Variants in PDLIM5 observed in about 807,000 individuals in gnomAD.
PDLIM5 encodes PDZ and LIM domain protein 5.
PDLIM5 carries 34 observed loss-of-function variants against 64.2 expected under a neutral mutation model. The ratio of observed to expected loss-of-function variants is 0.53; its 90% confidence interval spans 0.40 to 0.71. The LOEUF (loss-of-function observed/expected upper bound fraction) is 0.71, where lower values mean the gene tolerates loss of function less well. PDLIM5 is among the 30% of genes least tolerant of loss of function. The pLI is 0.00. For synonymous variants in PDLIM5, 253 were observed against 269.1 expected (o/e 0.94, Z 0.59); for missense variants, 683 against 733.6 (o/e 0.93, Z 0.80).
intron 8 of PDLIM5, among the ~76,000 whole-genome samples, chr4:94,629,321 G>A (rs140118034): frequency 2.2e-3 from 327 of 151,434 alleles, no homozygotes; most frequent in African/African-American, 6.9e-3. Context: ...TGCACTGTGC[G>A]AGACTCAGTT....
intron 7 of PDLIM5, among the ~76,000 whole-genome samples, chr4:94,613,429 A>G (rs1738527810): frequency 6.6e-6 from 1 of 152,226 alleles, no homozygotes; most frequent in Non-Finnish European, 1.5e-5. Context: ...AATGTGGGAA[A>G]GGAATGTAAA....
At chr4:94,518,845 T>TC (rs1012768017) in intron 2 of PDLIM5, among the ~76,000 whole-genome samples, 1 of 152,188 alleles carries the variant, frequency 6.6e-6, no homozygotes, top group African/African-American at 2.4e-5. Context: ...CTTGGTTCCC[T>TC]CCTCTGCCTT....
At chr4:94,512,396 G>C (rs1412736209) in intron 2 of PDLIM5, among the ~76,000 whole-genome samples, 2 of 152,166 alleles carry the variant, frequency 1.3e-5, no homozygotes, top group African/African-American at 4.8e-5. Context: ...CCCACCAACA[G>C]TGTACAAGGG....
intron 7 of PDLIM5, chr4:94,587,719 T>C (rs1239929848): frequency 1.0e-6 from 1 of 984,684 alleles, no homozygotes; most frequent in African/African-American, 1.7e-5. Flanking sequence ...TTTACCCCTA[T>C]TTGCAATGGA....
At chr4:94,510,437 A>G (rs538510987) in intron 2 of PDLIM5, among the ~76,000 whole-genome samples, 11 of 152,274 alleles carry the variant, frequency 7.2e-5, no homozygotes, top group African/African-American at 2.4e-4. Flanking sequence ...TGGTTCCCCA[A>G]TCTGCATTCT....
At chr4:94,653,628 A>G (rs1366118866) in intron 9 of PDLIM5, among the ~76,000 whole-genome samples, 1 of 152,116 alleles carries the variant, frequency 6.6e-6, no homozygotes, top group Admixed American at 6.5e-5. Flanking sequence ...GGGAGAGGGA[A>G]GTTGGTGCAC....
At chr4:94,562,521 G>A (rs1578380877) in intron 3 of PDLIM5, among the ~76,000 whole-genome samples, 1 of 152,316 alleles carries the variant, frequency 6.6e-6, no homozygotes, top group East Asian at 1.9e-4. Context: ...TCTGTAGGGA[G>A]ATAAGCACTG....
At chr4:94,630,337 T>C (rs183328998) in intron 8 of PDLIM5, among the ~76,000 whole-genome samples, 209 of 152,194 alleles carry the variant, frequency 1.4e-3, no homozygotes, top group African/African-American at 4.8e-3. Flanking sequence ...CATTTGTCTT[T>C]TGTCAGGGGG....
At chr4:94,648,634 G>A (rs956250496) in intron 9 of PDLIM5, among the ~76,000 whole-genome samples, 2 of 152,172 alleles carry the variant, frequency 1.3e-5, no homozygotes, top group Non-Finnish European at 2.9e-5. Context: ...GAGTCTATGG[G>A]TTAGCTGAGT....
In PDLIM5 at chr4:94,499,296, AT is replaced by A. The variant is rs1459501919; in HGVS notation, c.97-24422del. On this transcript the variant is annotated intron_variant, in intron 2 of 12. Transcript: ENST00000317968. Reference sequence around the variant, plus strand: ...ATGGAGGAAAAAAGTAATTATCTGTATTTTTTCACCCCTTTCTTGGAAATAA... The same window carrying A: ...ATGGAGGAAAAAAGTAATTATCTGTATTTTTCACCCCTTTCTTGGAAATAA... Among the ~76,000 whole-genome samples the A allele has an allele frequency of 7.9e-5, 12 of 152,064 alleles. No homozygotes were observed. In the South Asian group the frequency reaches 2.5e-3, roughly 32 times the overall value.
chr4:94,511,337 T>G (rs1728852097), intron 2 of PDLIM5, among the ~76,000 whole-genome samples: 1 of 152,184 alleles, frequency 6.6e-6, no homozygotes, highest in Non-Finnish European at 1.5e-5. Context: ...TTAATTTTTG[T>G]GGGTACATGG....
rs553631421 is a variant in PDLIM5 at position 94,486,153 on chromosome 4, C to T, written c.96+30769C>T. On this transcript the variant is annotated intron_variant, in intron 2 of 12. Transcript: ENST00000317968. ...CCTGTAGCTTATCGTCTGTGAACAT[C>T]TAACTTAGTATTAGCATTTCTTTCC... is the stretch of plus-strand genomic sequence containing the variant. 2.1e-4 allele frequency among the ~76,000 whole-genome samples: 32 copies of T among 152,282 alleles called. 1 individual carries two copies. The highest frequency in any genetic ancestry group is 7.7e-4 in the African/African-American group (32 of 41,568).
At chr4:94,515,723 G>A (rs1239810764) in intron 2 of PDLIM5, among the ~76,000 whole-genome samples, 1 of 152,210 alleles carries the variant, frequency 6.6e-6, no homozygotes, top group Admixed American at 6.5e-5. Flanking sequence ...TCTCATCATT[G>A]AGGGAGGGTT....
intron 7 of PDLIM5, among the ~76,000 whole-genome samples, chr4:94,591,328 T>C (rs1736658377): frequency 6.6e-6 from 1 of 152,180 alleles, no homozygotes; most frequent in East Asian, 1.9e-4. Flanking sequence ...CAGCAAGTGA[T>C]AAATTCTGGG....
intron 3 of PDLIM5, among the ~76,000 whole-genome samples, chr4:94,558,848 T>G (rs1179605274): frequency 7.2e-5 from 11 of 152,066 alleles, no homozygotes; most frequent in Admixed American, 3.9e-4. Flanking sequence ...AGTAAAAAAT[T>G]TAATCATAAC....
chr4:94,615,067 T>C (rs1255741960), intron 7 of PDLIM5, among the ~76,000 whole-genome samples: 1 of 152,234 alleles, frequency 6.6e-6, no homozygotes, highest in Non-Finnish European at 1.5e-5. Context: ...CTGGGCACTG[T>C]GCTAAGTAAT....
intron 3 of PDLIM5, among the ~76,000 whole-genome samples, chr4:94,547,820 G>GT (rs1260762009): frequency 6.6e-6 from 1 of 152,136 alleles, no homozygotes; most frequent in Non-Finnish European, 1.5e-5. Flanking sequence ...TGGTCTTGTA[G>GT]TTTCCTAGTA....
chr4:94,556,610 AGAT>A (rs918278396), intron 3 of PDLIM5, among the ~76,000 whole-genome samples: 1 of 152,180 alleles, frequency 6.6e-6, no homozygotes, highest in African/African-American at 2.4e-5. Flanking sequence ...AATTGGTGTG[AGAT>A]GATATCTCAT....
At chr4:94,563,528 T>A (rs1032353580) in intron 3 of PDLIM5, among the ~76,000 whole-genome samples, 1 of 152,230 alleles carries the variant, frequency 6.6e-6, no homozygotes, top group Non-Finnish European at 1.5e-5. Flanking sequence ...AGACTGACTT[T>A]GTTTTCCTAA....
Sources: gnomAD v4.1 joint callset for allele counts (sites outside exome capture counted in the v4.1 genomes callset) on GRCh38, gnomAD v4.1.1 for gene constraint, MANE v1.5 for transcripts, NCBI Gene and HGNC (gene_info 2026-07-23, HGNC 2026-07-21) for gene names.